MIA3: variants seen among roughly 807,000 people sequenced by gnomAD.
MIA3 encodes MIA SH3 domain ER export factor 3.
In MIA3, 90 loss-of-function variants were observed where a neutral mutation model predicts 192.4. The ratio of observed to expected loss-of-function variants is 0.47; its 90% confidence interval spans 0.39 to 0.56. The LOEUF is 0.56. MIA3 is among the 20% of genes least tolerant of loss of function. MIA3 has a pLI of 0.00. For missense variants in MIA3, 2,123 were observed against 2,269.4 expected, an observed-to-expected ratio of 0.94 and a Z score of 1.31; for synonymous variants, 740 against 792.8, an observed-to-expected ratio of 0.93 and a Z score of 1.12.
rs570801533 is a variant in MIA3 at position 222,665,668 on chromosome 1, T to G, written c.*49T>G. 2 of 1,388,408 alleles carry G rather than the reference T, an allele frequency of 1.4e-6. No individual in the cohort carries two copies. The highest frequency in any genetic ancestry group is 1.9e-6 in the Non-Finnish European group (2 of 1,044,210). The allele number at this position is 1,388,408 out of a possible 1,614,324, so 86.0% of individuals were successfully genotyped here. A position where few individuals can be genotyped will look rare whatever the true frequency, so the allele number is the denominator to read the frequency against. ...TGGAAAGAAAGTGTACTGTGCATTA[T>G]CCATTACAGTAAAGGATTTCATTGG... is the stretch of plus-strand genomic sequence containing the variant. On this transcript the variant is annotated 3_prime_UTR_variant, in exon 28 of 28. Coordinates refer to ENST00000344922, the MANE Select transcript of MIA3 (RefSeq NM_198551.4).
At chr1:222,647,049 C>G (rs568210332) in intron 7 of MIA3, among the ~76,000 whole-genome samples, 3 of 152,038 alleles carry the variant, frequency 2.0e-5, no homozygotes, top group Non-Finnish European at 4.4e-5. Context: ...ATTCTTATAT[C>G]TAGGAGATGA....
chr1:222,621,143 C>T lies in MIA3; in HGVS notation c.134-16C>T, dbSNP rs374835430. On this transcript the variant is annotated splice_polypyrimidine_tract_variant and intron_variant, in intron 1 of 27. Transcript: ENST00000344922. ...CCTGATATCTGGCTATTTTTTTTCT[C>T]TCTCTTTATATACAGTGTTAATGTA... 746 of 1,570,746 alleles carry T rather than the reference C, an allele frequency of 4.7e-4. No homozygotes were observed. Among genetic ancestry groups the T allele is most frequent in the Non-Finnish European group, 6.0e-4 (696 of 1,163,902 alleles).
At chr1:222,655,904 C>T (rs1026707601) in intron 18 of MIA3, among the ~76,000 whole-genome samples, 1 of 151,754 alleles carries the variant, frequency 6.6e-6, no homozygotes, top group African/African-American at 2.4e-5. Context: ...TTAATTCAGG[C>T]CCTTGTCATC....
Position 222,648,838 on chromosome 1 carries a change from A to G in MIA3, c.3619A>G (p.Arg1207Gly). Residue 1207 changes from arginine (R) to glycine (G), a missense_variant, in exon 8 of 28, where the codon AGA becomes GGA. This residue lies in a region of MIA3 where 762 missense variants were observed against 856.4 expected (regional missense o/e 0.89). Transcript: ENST00000344922. ...LWRTVLVVKD[R>G]VYQVTEQQIS... ...TATTTCTCTTTTCTAGGTGAAGGAT[A>G]GAGTATATCAAGGTAAATCTTTAGG... 1 of 1,438,396 alleles carries G rather than the reference A, an allele frequency of 7.0e-7. No individual in the cohort carries two copies. Among genetic ancestry groups the G allele is most frequent in the Non-Finnish European group, 9.7e-7 (1 of 1,028,486 alleles). 89.1% of individuals were successfully genotyped at this position (1,438,396 alleles called of 1,614,324 possible). A position where few individuals can be genotyped will look rare whatever the true frequency, so the allele number is the denominator to read the frequency against.
rs1158710931 is a variant in MIA3, at chr1:222,665,722, G to T, written c.*103G>T. 8 of 1,061,442 alleles carry T rather than the reference G, an allele frequency of 7.5e-6. No homozygotes were observed. Among genetic ancestry groups the T allele is most frequent in the Non-Finnish European group, 1.0e-5 (8 of 775,548 alleles). The allele number at this position is 1,061,442 out of a possible 1,614,324, so 65.8% of individuals were successfully genotyped here. ...CAAAATCCAAAAGTTTATTTTAAAA[G>T]GTTTGTTGTTAGAACTAAGCTGCCT... On this transcript the variant is annotated 3_prime_UTR_variant, in exon 28 of 28. Transcript: ENST00000344922.
In MIA3 at chr1:222,642,379, T is replaced by C. The variant is rs576260357; in HGVS notation, c.3478-3175T>C. Among the ~76,000 whole-genome samples the C allele has an allele frequency of 2.0e-4, 31 of 152,352 alleles. No individual in the cohort carries two copies. In the South Asian group the frequency reaches 6.4e-3, roughly 32 times the overall value. ...TTAAAAAAAATGTATTCTGACAGCA[T>C]ACCCTAGCAGTATATAAAATTATTT... On this transcript the variant is annotated intron_variant, in intron 6 of 27. Transcript: ENST00000344922.
chr1:222,633,369 A>G, intron 6 of MIA3, 120 bp downstream of exon 6: 1 of 836,830 alleles, frequency 1.2e-6, no homozygotes, highest in Middle Eastern at 3.7e-4. Context: ...GATCCTTTGA[A>G]GAGAGACCCT....
chr1:222,629,036 C>T lies in MIA3; in HGVS notation c.1816C>T (p.Leu606=). The change falls in exon 4 of 28, where the codon CTG becomes TTG. Residue 606 remains leucine, a synonymous_variant. Coordinates refer to ENST00000344922, the MANE Select transcript of MIA3 (RefSeq NM_198551.4). ...EGDALVNGAK[L]HTLSVEHQRE... is the part of the protein sequence containing the mutation. ...AGACGCTTTGGTAAATGGGGCCAAA[C>T]TGCACACGCTTTCAGTGGAGCATCA... is the stretch of plus-strand genomic sequence containing the variant. 6.2e-7 allele frequency: 1 copy of T among 1,614,184 alleles called. No individual in the cohort carries two copies. Among genetic ancestry groups the T allele is most frequent in the Non-Finnish European group, 8.5e-7 (1 of 1,180,032 alleles).
intron 12 of MIA3, 36 bp downstream of exon 12, chr1:222,652,084 C>T: frequency 1.5e-6 from 2 of 1,356,646 alleles, no homozygotes; most frequent in African/African-American, 1.4e-5. Context: ...GATATTAATA[C>T]TATATCATAG....
At chr1:222,619,403 T>C (rs1446958620) in intron 1 of MIA3, among the ~76,000 whole-genome samples, 1 of 152,242 alleles carries the variant, frequency 6.6e-6, no homozygotes, top group Non-Finnish European at 1.5e-5. Flanking sequence ...GCTATTTATA[T>C]TCAAATTGAT....
At chr1:222,665,013 C>CA (rs1289219646) in intron 27 of MIA3, 5 of 407,498 alleles carry the variant, frequency 1.2e-5, no homozygotes, top group African/African-American at 1.0e-4. Flanking sequence ...GCCTGGGCAA[C>CA]ATGGTGAAAC....
intron 6 of MIA3, among the ~76,000 whole-genome samples, chr1:222,636,423 A>C (rs904495549): frequency 4.6e-5 from 7 of 151,356 alleles, no homozygotes; most frequent in African/African-American, 1.7e-4. Context: ...TACCCTACAC[A>C]GGAGCTGTTT....
intron 13 of MIA3, 75 bp from the exon 14 acceptor site, chr1:222,652,932 TG>T: frequency 2.0e-6 from 3 of 1,498,576 alleles, no homozygotes; most frequent in Non-Finnish European, 2.7e-6. Context: ...CTTATTTACC[TG>T]TCTCATTCAT....
Position 222,654,864 on chromosome 1 carries a change from T to C in MIA3, c.4607+71T>C, listed in dbSNP as rs562668998. On this transcript the variant is annotated intron_variant, in intron 18 of 27. Coordinates refer to ENST00000344922, the MANE Select transcript of MIA3 (RefSeq NM_198551.4). ...AATAAATGTGTACTAATATAGATAA[T>C]GTTATCGTTTTTCAGGATTGTACTC... The C allele has an allele frequency of 6.6e-5, 85 of 1,279,442 alleles. No homozygotes were observed. The East Asian group carries it at 1.9e-3, about 29-fold the overall frequency. 79.3% of individuals were successfully genotyped at this position (1,279,442 alleles called of 1,614,324 possible).
intron 2 of MIA3, among the ~76,000 whole-genome samples, chr1:222,624,126 A>G (rs960588784): frequency 1.1e-4 from 16 of 152,230 alleles, no homozygotes; most frequent in African/African-American, 3.6e-4. Flanking sequence ...CGCATAGCCT[A>G]GAAATACTGA....
chr1:222,656,373 T>C (rs564710789), intron 18 of MIA3, among the ~76,000 whole-genome samples: 11 of 152,242 alleles, frequency 7.2e-5, no homozygotes, highest in Admixed American at 2.0e-4. Context: ...TTCTGGAATT[T>C]CGATAGTTGT....
chr1:222,652,183 G>T, intron 12 of MIA3, 45 bp from the exon 13 acceptor site: 3 of 1,516,476 alleles, frequency 2.0e-6, no homozygotes, highest in South Asian at 2.3e-5. Flanking sequence ...AACTTTTTCT[G>T]GTTTTCTTTG....
intron 6 of MIA3, among the ~76,000 whole-genome samples, chr1:222,634,317 C>T (rs568089191): frequency 6.6e-6 from 1 of 151,848 alleles, no homozygotes; most frequent in Middle Eastern, 3.4e-3. Flanking sequence ...CAAGACCCTG[C>T]CTCAGAAAAA....
At chr1:222,618,686 G>A (rs888308292) in intron 1 of MIA3, among the ~76,000 whole-genome samples, 1 of 152,068 alleles carries the variant, frequency 6.6e-6, no homozygotes, top group African/African-American at 2.4e-5. Flanking sequence ...TGCCCGCGCT[G>A]CGGGGACCTC....
Sources: gnomAD v4.1 joint callset for allele counts (sites outside exome capture counted in the v4.1 genomes callset) on GRCh38, gnomAD v4.1.1 for gene constraint, gnomAD v4.1.1 regional missense constraint, MANE v1.5 for transcripts, NCBI Gene and HGNC (gene_info 2026-07-23, HGNC 2026-07-21) for gene names.